The following AOPEP variants were observed in gnomAD, a reference collection of about 807,000 sequenced individuals.
AOPEP encodes the protein aminopeptidase O.
In AOPEP, 77 loss-of-function variants were observed where a neutral mutation model predicts 98.1. The ratio of observed to expected loss-of-function variants is 0.78; its 90% CI spans 0.65 to 0.95. AOPEP has a LOEUF of 0.95. AOPEP is among the 40% of genes least tolerant of loss of function. AOPEP has a pLI of 0.00. For synonymous variants in AOPEP, 346 were observed against 365.3 expected, an observed-to-expected ratio of 0.95 and a Z score of 0.60; for missense variants, 1,024 against 1,024.7, an observed-to-expected ratio of 1.00 and a Z score of 0.01.
intron 4 of AOPEP, among the ~76,000 whole-genome samples, chr9:94,799,518 T>C (rs1487165382): frequency 1.3e-5 from 2 of 152,016 alleles, no homozygotes; most frequent in East Asian, 3.9e-4. Flanking sequence ...TACAGTGAGC[T>C]ATGACCCTGC....
chr9:95,139,855 T>C, the AOPEP span, among the ~76,000 whole-genome samples: 1 of 145,680 alleles, frequency 6.9e-6, no homozygotes, highest in Non-Finnish European at 1.5e-5. Context: ...TATATATAAA[T>C]ATATATATTC....
chr9:94,956,062 T>C (rs754905905), intron 9 of AOPEP, 47 bp downstream of exon 9: 1 of 1,100,540 alleles, frequency 9.1e-7, no homozygotes, highest in Non-Finnish European at 1.4e-6. Flanking sequence ...CTGGAGGGGG[T>C]ATGGCACATG....
At position 94,732,714 on chromosome 9, in the gene AOPEP, G is replaced by A. The variant is rs541746974; in HGVS notation, c.-136+5963G>A. Among the ~76,000 whole-genome samples, 3 of 152,290 alleles carry A rather than the reference G, an allele frequency of 2.0e-5. No homozygotes were observed. In the East Asian group the frequency reaches 5.8e-4, roughly 29 times the overall value. ...ATCTGGCACATCAAAGGAGAAATGG[G>A]TTGTTCTCTCCAGACCATGAAAATG... On this transcript the variant is annotated intron_variant, in intron 1 of 16. Coordinates refer to ENST00000375315, the MANE Select transcript of AOPEP (RefSeq NM_001193329.3).
At chr9:94,912,297 G>A (rs965745368) in intron 5 of AOPEP, among the ~76,000 whole-genome samples, 24 of 152,112 alleles carry the variant, frequency 1.6e-4, no homozygotes, top group African/African-American at 5.6e-4. Context: ...GGGTATGAAG[G>A]TAAAATGAAA....
At chr9:95,115,401 C>A in the AOPEP span, among the ~76,000 whole-genome samples, 1 of 152,142 alleles carries the variant, frequency 6.6e-6, no homozygotes, top group African/African-American at 2.4e-5. Flanking sequence ...TAGACGGAGA[C>A]TGTAGTAAAG....
At chr9:94,775,373 ATT>A (rs1170011175) in intron 3 of AOPEP, among the ~76,000 whole-genome samples, 5 of 140,248 alleles carry the variant, frequency 3.6e-5, no homozygotes, top group Admixed American at 7.2e-5. Flanking sequence ...TATTTACTTG[ATT>A]TTTTTTTTTT....
chr9:94,968,185 A>G (rs1300802048), intron 10 of AOPEP, among the ~76,000 whole-genome samples: 1 of 152,214 alleles, frequency 6.6e-6, no homozygotes, highest in Non-Finnish European at 1.5e-5. Context: ...AAAATGTAGT[A>G]TAGTAGTAAG....
chr9:94,768,449 G>A (rs1488118032), intron 2 of AOPEP, among the ~76,000 whole-genome samples: 1 of 152,202 alleles, frequency 6.6e-6, no homozygotes, highest in Non-Finnish European at 1.5e-5. Flanking sequence ...TCCCTTACAC[G>A]TTTGGTTGCG....
chr9:94,863,086 CAG>C (rs1312900051), intron 5 of AOPEP, among the ~76,000 whole-genome samples: 1 of 152,142 alleles, frequency 6.6e-6, no homozygotes, highest in East Asian at 1.9e-4. Flanking sequence ...TTAGGTAAGA[CAG>C]AAGTTTCCTT....
chr9:94,825,753 G>A (rs1310274827), intron 5 of AOPEP, among the ~76,000 whole-genome samples: 1 of 152,152 alleles, frequency 6.6e-6, no homozygotes, highest in Non-Finnish European at 1.5e-5. Context: ...ATTACAGGGC[G>A]CCCATCGGCA....
chr9:95,081,378 A>G (rs2069748743), intron 15 of AOPEP, among the ~76,000 whole-genome samples: 1 of 152,192 alleles, frequency 6.6e-6, no homozygotes, highest in Non-Finnish European at 1.5e-5. Context: ...AACACGTCAC[A>G]GCCTCCCACG....
At chr9:95,104,610 A>G in the AOPEP span, among the ~76,000 whole-genome samples, 7 of 152,234 alleles carry the variant, frequency 4.6e-5, no homozygotes, top group East Asian at 9.7e-4. Context: ...TTGAATGTGG[A>G]CTGAAAGTTT....
intron 1 of AOPEP, among the ~76,000 whole-genome samples, chr9:94,746,107 ATTG>A (rs1834428060): frequency 1.3e-5 from 2 of 152,098 alleles, no homozygotes; most frequent in South Asian, 4.2e-4. Context: ...TAGTGTGTCT[ATTG>A]TTGTGCCCGC....
intron 5 of AOPEP, among the ~76,000 whole-genome samples, chr9:94,811,199 G>T (rs1332527400): frequency 6.6e-6 from 1 of 152,224 alleles, no homozygotes; most frequent in Non-Finnish European, 1.5e-5. Flanking sequence ...CATTTCAGTT[G>T]TGCCTGCAGG....
chr9:94,907,794 A>T (rs1451554244), intron 5 of AOPEP, among the ~76,000 whole-genome samples: 2 of 152,126 alleles, frequency 1.3e-5, no homozygotes, highest in African/African-American at 2.4e-5. Flanking sequence ...TAGCTTTGTG[A>T]AGGCAGCGTG....
chr9:95,073,334 G>T (rs2068691212), intron 14 of AOPEP, among the ~76,000 whole-genome samples: 1 of 152,126 alleles, frequency 6.6e-6, no homozygotes, highest in African/African-American at 2.4e-5. Flanking sequence ...GCCGACGAGG[G>T]TCCAGCCTGG....
chr9:95,104,876 A>G, the AOPEP span, among the ~76,000 whole-genome samples: 5 of 152,052 alleles, frequency 3.3e-5, no homozygotes, highest in African/African-American at 1.2e-4. Context: ...CCAGCCCCCC[A>G]TAAGCACCTT....
At chr9:94,940,479 A>G (rs903889059) in intron 7 of AOPEP, among the ~76,000 whole-genome samples, 2 of 152,208 alleles carry the variant, frequency 1.3e-5, no homozygotes, top group South Asian at 2.1e-4. Context: ...TGGCATGCCT[A>G]TAATCCTAGC....
At chr9:95,018,094 C>T (rs988342793) in intron 13 of AOPEP, among the ~76,000 whole-genome samples, 7 of 152,190 alleles carry the variant, frequency 4.6e-5, no homozygotes, top group Non-Finnish European at 8.8e-5. Flanking sequence ...TCTGTGGACA[C>T]TGGTATAACT....
Sources: gnomAD v4.1 joint callset for allele counts (sites outside exome capture counted in the v4.1 genomes callset) on GRCh38, gnomAD v4.1.1 for gene constraint, MANE v1.5 for transcripts, NCBI Gene and HGNC (gene_info 2026-07-23, HGNC 2026-07-21) for gene names.